Variants in VPS13B observed in about 807,000 individuals in gnomAD.
VPS13B encodes the protein intermembrane lipid transfer protein VPS13B.
Under a neutral mutation model 426.4 loss-of-function variants are expected in VPS13B, and 285 were observed. That is an observed-to-expected ratio of 0.67 (90% CI 0.61 to 0.74). The LOEUF (loss-of-function observed/expected upper bound fraction) is 0.74. Among genes scored for constraint, VPS13B ranks in the 30% least tolerant of loss-of-function variants. The pLI is 0.00. For synonymous variants in VPS13B, 1,676 were observed against 1,676.4 expected (o/e 1.00, Z 0.01); for missense variants, 4,537 against 4,782.6 (o/e 0.95, Z 1.51).
At chr8:99,024,063 T>TTTTG (rs369347110) in intron 2 of VPS13B, among the ~76,000 whole-genome samples, 11 of 152,296 alleles carry the variant, frequency 7.2e-5, no homozygotes, top group African/African-American at 2.2e-4. Context: ...CTCAGCAGTA[T>TTTTG]TTTGTTTGTT....
chr8:99,085,432 G>A (rs530564816), intron 3 of VPS13B, among the ~76,000 whole-genome samples: 1 of 152,136 alleles, frequency 6.6e-6, no homozygotes, highest in Non-Finnish European at 1.5e-5. Context: ...TGTCTTTTAA[G>A]TGGAGCATTT....
chr8:99,605,811 A>G (rs1827540486), intron 33 of VPS13B, among the ~76,000 whole-genome samples: 1 of 152,328 alleles, frequency 6.6e-6, no homozygotes, highest in East Asian at 1.9e-4. Context: ...AATACAAATT[A>G]TAATTACAAA....
At chr8:99,583,630 T>G (rs1588518617) in intron 33 of VPS13B, among the ~76,000 whole-genome samples, 1 of 152,138 alleles carries the variant, frequency 6.6e-6, no homozygotes, top group East Asian at 1.9e-4. Flanking sequence ...CTCCAAGACA[T>G]TCTTGACCAA....
At chr8:99,123,457 G>A (rs1165145305) in intron 8 of VPS13B, among the ~76,000 whole-genome samples, 1 of 152,126 alleles carries the variant, frequency 6.6e-6, no homozygotes, top group Non-Finnish European at 1.5e-5. Context: ...GTTGTAAACT[G>A]TGTAGATCAT....
At chr8:99,647,528 G>A (rs562456994) in intron 34 of VPS13B, among the ~76,000 whole-genome samples, 14 of 145,900 alleles carry the variant, frequency 9.6e-5, no homozygotes, top group South Asian at 6.5e-4. Flanking sequence ...GCAGTGAGCC[G>A]AGATCACACC....
chr8:99,828,394 G>GCTTTTTTTTTTTTTTTTTTT lies in VPS13B; in HGVS notation c.9331-3975_9331-3974insCTTTTTTTTTTTTTTTTTTT, dbSNP rs1563495224. 5.2e-4 allele frequency among the ~76,000 whole-genome samples: 9 copies of GCTTTTTTTTTTTTTTTTTTT among 17,424 alleles called. 1 individual carries two copies. The highest frequency in any genetic ancestry group is 8.4e-4 in the Non-Finnish European group (8 of 9,574). 11.4% of individuals were successfully genotyped at this position (17,424 alleles called of 152,430 possible). On this transcript the variant is annotated intron_variant, in intron 51 of 61. Coordinates refer to ENST00000357162, the MANE Select transcript of VPS13B (RefSeq NM_152564.5). ...ATCAGAGACTAGGATTACAACCACC[G>GCTTTTTTTTTTTTTTTTTTT]TTTTTTTTTTTTTTTTTTTTTTTTT... is the stretch of plus-strand genomic sequence containing the variant.
chr8:99,717,086 T>C, intron 36 of VPS13B, 85 bp from the exon 37 acceptor site: 2 of 1,316,612 alleles, frequency 1.5e-6, no homozygotes, highest in Non-Finnish European at 2.1e-6. Context: ...GATGAATTAA[T>C]ACTCTTCAAA....
At position 99,518,012 on chromosome 8, in the gene VPS13B, G is replaced by T. The variant is rs561596076; in HGVS notation, c.4634-2887G>T. Among the ~76,000 whole-genome samples the T allele has an allele frequency of 2.6e-5, 4 of 151,650 alleles. No individual in the cohort carries two copies. In the East Asian group the frequency reaches 7.8e-4, roughly 29 times the overall value. ...TTTTAATCTAGTTTATGAATGATCT[G>T]CATTAAGTGCTCTTTTTTTTAATTA... On this transcript the variant is annotated intron_variant, in intron 29 of 61. Transcript: ENST00000357162.
At chr8:99,500,715 G>A (rs371127074) in intron 25 of VPS13B, among the ~76,000 whole-genome samples, 1 of 152,200 alleles carries the variant, frequency 6.6e-6, no homozygotes, top group South Asian at 2.1e-4. Flanking sequence ...GTTTAAGCTC[G>A]CAAGTTTTGT....
At chr8:99,089,647 G>A (rs1479492486) in intron 3 of VPS13B, among the ~76,000 whole-genome samples, 1 of 152,144 alleles carries the variant, frequency 6.6e-6, no homozygotes, top group African/African-American at 2.4e-5. Flanking sequence ...AGGGATTGTG[G>A]AGAACAAAGT....
chr8:99,233,662 C>A, intron 17 of VPS13B: 1 of 855,688 alleles, frequency 1.2e-6, no homozygotes, highest in South Asian at 1.3e-5. Flanking sequence ...CCACTGTGCC[C>A]TTCACAGTGA....
At chr8:99,852,434 T>G (rs532488800) in intron 55 of VPS13B, among the ~76,000 whole-genome samples, 1 of 152,286 alleles carries the variant, frequency 6.6e-6, no homozygotes, top group East Asian at 1.9e-4. Flanking sequence ...GGCTGAGCCC[T>G]AGGCACTTTA....
intron 40 of VPS13B, among the ~76,000 whole-genome samples, chr8:99,767,581 G>C (rs1391604661): frequency 6.7e-6 from 1 of 149,402 alleles, no homozygotes; most frequent in Non-Finnish European, 1.5e-5. Context: ...ATACCCAATG[G>C]ATTTTATACA....
chr8:99,752,225 G>A (rs1810431351), intron 39 of VPS13B, among the ~76,000 whole-genome samples: 1 of 152,018 alleles, frequency 6.6e-6, no homozygotes, highest in Admixed American at 6.6e-5. Flanking sequence ...AAGATAGTCT[G>A]GGGAAAAGGC....
intron 16 of VPS13B, among the ~76,000 whole-genome samples, chr8:99,185,975 A>G (rs747526971): frequency 8.6e-5 from 13 of 151,990 alleles, no homozygotes; most frequent in Non-Finnish European, 1.6e-4. Context: ...ACTTGTTTCT[A>G]TTTCCTTTAA....
chr8:99,440,752 G>C (rs1230995561), intron 22 of VPS13B, among the ~76,000 whole-genome samples: 2 of 151,772 alleles, frequency 1.3e-5, no homozygotes, highest in African/African-American at 4.8e-5. Flanking sequence ...GGAAATTTTG[G>C]CATGATTTGA....
chr8:99,585,625 A>G (rs1826266441), intron 33 of VPS13B, among the ~76,000 whole-genome samples: 1 of 152,204 alleles, frequency 6.6e-6, no homozygotes, highest in African/African-American at 2.4e-5. Flanking sequence ...ACAAAATCCA[A>G]TACCCTTTCA....
chr8:99,307,855 GA>G (rs957117710), intron 19 of VPS13B, among the ~76,000 whole-genome samples: 3 of 151,900 alleles, frequency 2.0e-5, no homozygotes, highest in Admixed American at 2.0e-4. Context: ...TTAGATATTT[GA>G]AATCTTTCTA....
At chr8:99,276,613 AT>A (rs1406987856) in intron 19 of VPS13B, among the ~76,000 whole-genome samples, 1 of 152,176 alleles carries the variant, frequency 6.6e-6, no homozygotes, top group Non-Finnish European at 1.5e-5. Context: ...ATAAAGCTTT[AT>A]TTATAAAAGC....
Sources: allele counts gnomAD v4.1 joint callset (sites outside exome capture counted in the v4.1 genomes callset), GRCh38; gene constraint gnomAD v4.1.1; transcripts MANE v1.5; gene names NCBI Gene and HGNC (gene_info 2026-07-23, HGNC 2026-07-21).